The following FABP6 variants were observed in gnomAD, a reference collection of about 807,000 sequenced individuals.
The protein encoded by FABP6 is fatty acid binding protein 6, also known as gastrotropin.
Under a neutral mutation model 14.9 loss-of-function variants are expected in FABP6, and 13 were observed. The observed-to-expected ratio is 0.87, with a 90% CI of 0.57 to 1.39. The LOEUF (loss-of-function observed/expected upper bound fraction) is 1.39, where lower values mean the gene tolerates loss of function less well. Ranked by LOEUF, FABP6 falls within the 40% of genes most tolerant of loss-of-function variation. The pLI is 0.00. For missense variants in FABP6, 161 were observed against 167.2 expected (o/e 0.96, Z 0.20); for synonymous variants, 75 against 63.6 (o/e 1.18, Z -0.85).
intron 3 of FABP6, among the ~76,000 whole-genome samples, chr5:160,218,461 C>CTTTTTTTTT (rs10692189): frequency 4.3e-5 from 5 of 116,412 alleles, no homozygotes; most frequent in African/African-American, 6.6e-5. Flanking sequence ...TAGTCTTTGA[C>CTTTTTTTTT]TTTTTTTTTT....
chr5:160,212,573 A>G (rs968113443), intron 2 of FABP6, among the ~76,000 whole-genome samples: 3 of 151,840 alleles, frequency 2.0e-5, no homozygotes, highest in African/African-American at 4.8e-5. Context: ...GGTTCACGCC[A>G]TTCTCCTGCC....
chr5:160,214,792 A>AAAAGAAAG (rs372578232), intron 3 of FABP6, among the ~76,000 whole-genome samples: 117 of 140,316 alleles, frequency 8.3e-4, no homozygotes, highest in African/African-American at 2.6e-3. Context: ...TGTCTCTATA[A>AAAAGAAAG]AAAGAAAGAA....
At chr5:160,192,712 C>T (rs1759421959) in intron 1 of FABP6, among the ~76,000 whole-genome samples, 1 of 152,242 alleles carries the variant, frequency 6.6e-6, no homozygotes, top group South Asian at 2.1e-4. Context: ...AGATAATGTG[C>T]TTGTACAGTA....
intron 3 of FABP6, 102 bp from the exon 4 acceptor site, chr5:160,238,504 T>A: frequency 1.0e-6 from 1 of 976,216 alleles, no homozygotes. Context: ...CTGACTCTTA[T>A]CTACTCAAGG....
At position 160,233,208 on chromosome 5, in the gene FABP6, C is replaced by T. The variant is rs542286613; in HGVS notation, c.243+935C>T. Among the ~76,000 whole-genome samples the T allele has an allele frequency of 2.0e-5, 3 of 152,046 alleles. No homozygotes were observed. In the East Asian group the frequency reaches 5.9e-4, roughly 30 times the overall value. On this transcript the variant is annotated intron_variant, in intron 2 of 3. Transcript: ENST00000402432. ...TGTTGACCAGGCTGGTCTCAAACTC[C>T]TGACCTTGTGATCCGCCCACCTTGA...
At chr5:160,222,475 A>G (rs1438963267) in intron 3 of FABP6, among the ~76,000 whole-genome samples, 1 of 152,094 alleles carries the variant, frequency 6.6e-6, no homozygotes, top group Non-Finnish European at 1.5e-5. Flanking sequence ...CTGGGACTAC[A>G]GGTGCCCACC....
intron 1 of FABP6, among the ~76,000 whole-genome samples, chr5:160,190,354 T>G (rs558708472): frequency 3.9e-5 from 6 of 152,218 alleles, no homozygotes; most frequent in African/African-American, 1.4e-4. Flanking sequence ...TCCCTTAGCC[T>G]CCCGAGTAGC....
At chr5:160,211,041 G>A (rs141931036) in intron 2 of FABP6, among the ~76,000 whole-genome samples, 138 of 152,242 alleles carry the variant, frequency 9.1e-4, no homozygotes, top group African/African-American at 3.1e-3. Flanking sequence ...TTGCTTGGAC[G>A]TTGTTAGACA....
chr5:160,193,968 C>T (rs1261483351), intron 1 of FABP6, among the ~76,000 whole-genome samples: 6 of 152,218 alleles, frequency 3.9e-5, no homozygotes, highest in Non-Finnish European at 8.8e-5. Context: ...CGGGGAGGCT[C>T]GGGCTGCACA....
chr5:160,193,454 T>C (rs1024031711), intron 1 of FABP6, among the ~76,000 whole-genome samples: 1 of 152,164 alleles, frequency 6.6e-6, no homozygotes, highest in Admixed American at 6.6e-5. Context: ...TTGCGACTGC[T>C]GGCTCAGGCA....
chr5:160,189,945 A>G (rs958820042), intron 1 of FABP6, among the ~76,000 whole-genome samples: 7 of 152,192 alleles, frequency 4.6e-5, no homozygotes, highest in Non-Finnish European at 1.0e-4. Context: ...CCACTGTGCA[A>G]TAGCTCATTT....
At chr5:160,189,139 T>A (rs547865327) in intron 1 of FABP6, among the ~76,000 whole-genome samples, 1 of 152,172 alleles carries the variant, frequency 6.6e-6, no homozygotes, top group African/African-American at 2.4e-5. Context: ...AAGGCAGCCA[T>A]GGATAAGACA....
At chr5:160,226,442 T>A (rs1760248697), upstream of FABP6, among the ~76,000 whole-genome samples, 1 of 150,096 alleles carries the variant, frequency 6.7e-6, no homozygotes, top group Admixed American at 6.7e-5. Context: ...GCACCTGTAA[T>A]CCCAGCTACT....
At chr5:160,207,596 C>T (rs1016797023) in intron 2 of FABP6, among the ~76,000 whole-genome samples, 1 of 152,088 alleles carries the variant, frequency 6.6e-6, no homozygotes, top group Non-Finnish European at 1.5e-5. Flanking sequence ...ATGGTATGTT[C>T]CCATTTTGGA....
At chr5:160,197,938 GTGTGTGTGTGTGTGTA>G (rs758114093) in intron 1 of FABP6, 6,838 of 145,452 alleles carry the variant, frequency 0.047, 299 homozygotes, top group East Asian at 0.28. Context: ...GTGTGTGTGT[GTGTGTGTGTGTGTGTA>G]TGTGTGTGTG....
intron 3 of FABP6, among the ~76,000 whole-genome samples, chr5:160,223,902 C>G (rs994398810): frequency 6.7e-6 from 1 of 149,028 alleles, no homozygotes; most frequent in Non-Finnish European, 1.5e-5. Flanking sequence ...GAGTTTGAGA[C>G]CAGCCTAGGC....
intron 2 of FABP6, among the ~76,000 whole-genome samples, chr5:160,207,567 T>C (rs1226604616): frequency 6.6e-6 from 1 of 152,202 alleles, no homozygotes; most frequent in East Asian, 1.9e-4. Context: ...TAATAAAAAG[T>C]ATTTCCAAAA....
intron 1 of FABP6, among the ~76,000 whole-genome samples, chr5:160,188,405 A>G (rs1250211884): frequency 1.5e-5 from 2 of 134,190 alleles, no homozygotes; most frequent in Non-Finnish European, 3.2e-5. Flanking sequence ...CTGAGGGCGG[A>G]CTCTTGGAAC....
rs1418786069 is a variant in FABP6 at position 160,229,561 on chromosome 5, G to A, written c.4G>A (p.Ala2Thr). 1 of 1,613,868 alleles carries A rather than the reference G, an allele frequency of 6.2e-7. No individual in the cohort carries two copies. The highest frequency in any genetic ancestry group is 8.5e-7 in the Non-Finnish European group (1 of 1,179,926). The change falls in exon 1 of 4, where the codon GCT becomes ACT. Residue 2 changes from alanine (A) to threonine (T), a missense_variant. Coordinates refer to ENST00000402432, the MANE Select transcript of FABP6 (RefSeq NM_001445.3). M[A>T]FTGKFEMESE... Reference sequence around the variant, plus strand: ...TGGCCTCCAGCCTCCCAGCAGCATGGCTTTCACCGGCAAGTTCGAGATGGA... The same window carrying A: ...TGGCCTCCAGCCTCCCAGCAGCATGACTTTCACCGGCAAGTTCGAGATGGA...
Sources: gnomAD v4.1 joint callset for allele counts (sites outside exome capture counted in the v4.1 genomes callset) on GRCh38, gnomAD v4.1.1 for gene constraint, MANE v1.5 for transcripts, NCBI Gene and HGNC (gene_info 2026-07-23, HGNC 2026-07-21) for gene names.